Variants in TMEM117 observed in about 807,000 individuals in gnomAD.
TMEM117 encodes transmembrane protein 117.
In TMEM117, 27 loss-of-function variants were observed where a neutral mutation model predicts 52.4. That is an observed-to-expected ratio of 0.51 (90% CI 0.38 to 0.71). The LOEUF is 0.71. TMEM117 is among the 30% of genes least tolerant of loss of function. The pLI is 0.00. For missense variants in TMEM117, 556 were observed against 630.5 expected, an observed-to-expected ratio of 0.88 and a Z score of 1.26; for synonymous variants, 215 against 206.3, an observed-to-expected ratio of 1.04 and a Z score of -0.36.
At chr12:44,193,514 C>T (rs1949381659) in intron 4 of TMEM117, among the ~76,000 whole-genome samples, 1 of 152,094 alleles carries the variant, frequency 6.6e-6, no homozygotes, top group African/African-American at 2.4e-5. Context: ...TGAAACAAAA[C>T]CCAAGGGCTC....
At chr12:43,995,309 A>G (rs1298464608) in intron 3 of TMEM117, among the ~76,000 whole-genome samples, 1 of 151,744 alleles carries the variant, frequency 6.6e-6, no homozygotes, top group Non-Finnish European at 1.5e-5. Context: ...CAGAGCTTGC[A>G]AAACTGGCCT....
intron 5 of TMEM117, among the ~76,000 whole-genome samples, chr12:44,281,406 C>T (rs779814353): frequency 2.0e-5 from 3 of 152,084 alleles, no homozygotes; most frequent in Non-Finnish European, 4.4e-5. Flanking sequence ...TGGAAAGTCT[C>T]ATGATGATAT....
the TMEM117 span, among the ~76,000 whole-genome samples, chr12:43,814,545 C>A: frequency 6.6e-6 from 1 of 152,184 alleles, no homozygotes; most frequent in East Asian, 1.9e-4. Flanking sequence ...GTTCAGAATA[C>A]TTGCCAGGTA....
At chr12:44,149,772 A>G (rs1307181291) in intron 4 of TMEM117, among the ~76,000 whole-genome samples, 1 of 152,208 alleles carries the variant, frequency 6.6e-6, no homozygotes, top group Admixed American at 6.5e-5. Flanking sequence ...ATCAGTGCCA[A>G]TTTTCTAATT....
At chr12:43,851,526 C>A (rs1289508545) in intron 2 of TMEM117, among the ~76,000 whole-genome samples, 1 of 152,054 alleles carries the variant, frequency 6.6e-6, no homozygotes, top group African/African-American at 2.4e-5. Context: ...ATACTTTAGA[C>A]ATATCCATGA....
chr12:44,285,667 T>C (rs1310329301), intron 5 of TMEM117, among the ~76,000 whole-genome samples: 1 of 152,212 alleles, frequency 6.6e-6, no homozygotes, highest in African/African-American at 2.4e-5. Context: ...TAAACCCACA[T>C]ATTTCAGGAT....
chr12:44,039,810 A>G (rs539195051), intron 3 of TMEM117, among the ~76,000 whole-genome samples: 13 of 152,290 alleles, frequency 8.5e-5, no homozygotes, highest in Admixed American at 5.2e-4. Context: ...TTTTACTACC[A>G]TAGTTCTTAA....
chr12:43,836,439 C>T (rs374542710), intron 1 of TMEM117, among the ~76,000 whole-genome samples: 21 of 152,210 alleles, frequency 1.4e-4, no homozygotes, highest in African/African-American at 3.6e-4. Context: ...GACGCGCCAG[C>T]CCTCTGGCTA....
At chr12:44,293,619 C>T (rs934227041) in intron 5 of TMEM117, among the ~76,000 whole-genome samples, 6 of 151,954 alleles carry the variant, frequency 3.9e-5, no homozygotes, top group East Asian at 1.9e-4. Flanking sequence ...ATGAGGCTTG[C>T]GTAAAAGATC....
intron 6 of TMEM117, among the ~76,000 whole-genome samples, chr12:44,313,093 A>G (rs1247185054): frequency 6.6e-6 from 1 of 152,152 alleles, no homozygotes; most frequent in African/African-American, 2.4e-5. Context: ...ATTTTGCTGT[A>G]CGAAAGCTCT....
chr12:44,257,115 AT>A (rs1950268490), intron 5 of TMEM117, among the ~76,000 whole-genome samples: 1 of 150,770 alleles, frequency 6.6e-6, no homozygotes, highest in Admixed American at 6.7e-5. Flanking sequence ...AATAGCCTAT[AT>A]GCTAGGTCAT....
Position 44,388,046 on chromosome 12 carries a change from A to G in TMEM117, c.919A>G (p.Ile307Val), listed in dbSNP as rs1173441224. Reference protein sequence around the residue: ...HITGKWFNYGIIFLVLILDLN... With the variant: ...HITGKWFNYGVIFLVLILDLN... ...TGCAGGCAAATGGTTTAACTATGGA[A>G]TTATCTTCCTCGTCTTGATTTTGGA... The change falls in exon 8 of 8, where the codon ATT (isoleucine) becomes GTT (valine). Residue 307 changes from isoleucine (I) to valine (V), a missense_variant. This residue lies in a region of TMEM117 where 22 missense variants were observed against 48.1 expected (regional missense o/e 0.46). Coordinates refer to ENST00000266534, the MANE Select transcript of TMEM117 (RefSeq NM_032256.3). 6.2e-7 allele frequency: 1 copy of G among 1,610,492 alleles called. No individual in the cohort carries two copies. Among genetic ancestry groups the G allele is most frequent in the South Asian group, 1.1e-5 (1 of 90,828 alleles).
chr12:43,912,504 A>ATATATATATAT, intron 2 of TMEM117, among the ~76,000 whole-genome samples: 1 of 94,422 alleles, frequency 1.1e-5, no homozygotes. Flanking sequence ...TAATAATAAT[A>ATATATATATAT]ATTTATATAT....
chr12:43,900,491 G>A lies in TMEM117; in HGVS notation c.278-43719G>A, dbSNP rs143118244. Among the ~76,000 whole-genome samples the A allele has an allele frequency of 1.7e-3, 253 of 152,056 alleles. 1 individual carries two copies. Among genetic ancestry groups the A allele is most frequent in the Non-Finnish European group, 2.6e-3 (180 of 67,978 alleles). ...TCCCAGCATTTTGGGAGGCCGAGGC[G>A]GGTGGATCACAAGGTCAGGAGTTCG... On this transcript the variant is annotated intron_variant, in intron 2 of 7. Coordinates refer to ENST00000266534, the MANE Select transcript of TMEM117 (RefSeq NM_032256.3).
chr12:44,073,600 AAGTTTCAGATC>A (rs943716732), intron 3 of TMEM117: 2 of 152,248 alleles, frequency 1.3e-5, no homozygotes, highest in Admixed American at 6.5e-5. Context: ...TCAACGTGGC[AAGTTTCAGATC>A]AGTCGAAGCT....
At chr12:44,224,672 C>T (rs569289931) in intron 5 of TMEM117, among the ~76,000 whole-genome samples, 2 of 152,224 alleles carry the variant, frequency 1.3e-5, no homozygotes, top group East Asian at 3.9e-4. Flanking sequence ...GAAACTCTAT[C>T]GCCATGTAAG....
chr12:44,184,793 G>C (rs1448424778), intron 4 of TMEM117, among the ~76,000 whole-genome samples: 1 of 152,092 alleles, frequency 6.6e-6, no homozygotes, highest in Non-Finnish European at 1.5e-5. Context: ...CTCATTTTCT[G>C]ACTACACAAC....
rs115980256 is a variant in TMEM117, at chr12:44,335,128, G to C, written c.768+35389G>C. On this transcript the variant is annotated intron_variant, in intron 6 of 7. Coordinates refer to ENST00000266534, the MANE Select transcript of TMEM117 (RefSeq NM_032256.3). ...GAGATATGGAACATTATGGTGATAGGCTTGAGAAGAGCAACAGAGTCCATG... is the reference window on the plus strand; with the variant it reads ...GAGATATGGAACATTATGGTGATAGCCTTGAGAAGAGCAACAGAGTCCATG... 1.6e-3 allele frequency among the ~76,000 whole-genome samples: 237 copies of C among 152,124 alleles called. 1 individual carries two copies. The highest frequency in any genetic ancestry group is 5.3e-3 in the African/African-American group (219 of 41,538).
chr12:43,854,651 A>AT (rs905747435), intron 2 of TMEM117, among the ~76,000 whole-genome samples: 12 of 147,830 alleles, frequency 8.1e-5, no homozygotes, highest in South Asian at 4.2e-4. Context: ...TTTATTTATT[A>AT]TTTTTTTTCT....
Sources: gnomAD v4.1 joint callset for allele counts (sites outside exome capture counted in the v4.1 genomes callset) on GRCh38, gnomAD v4.1.1 for gene constraint, gnomAD v4.1.1 regional missense constraint, MANE v1.5 for transcripts, NCBI Gene and HGNC (gene_info 2026-07-23, HGNC 2026-07-21) for gene names.